The following DYRK1A variants were observed in gnomAD, a reference collection of about 807,000 sequenced individuals.
DYRK1A encodes dual specificity tyrosine phosphorylation regulated kinase 1A, also known as dual specificity tyrosine-phosphorylation-regulated kinase 1A.
In DYRK1A, 9 loss-of-function variants were observed where a neutral mutation model predicts 79.7. The observed-to-expected ratio is 0.11, with a 90% CI of 0.07 to 0.20. The LOEUF (loss-of-function observed/expected upper bound fraction) is 0.20. Among genes scored for constraint, DYRK1A ranks in the 10% least tolerant of loss-of-function variants. The pLI is 1.00. For missense variants in DYRK1A, 622 were observed against 956.0 expected (o/e 0.65, Z 4.61); for synonymous variants, 349 against 329.7 (o/e 1.06, Z -0.63).
At chr21:37,425,704 C>G (rs893568869) in intron 2 of DYRK1A, 9 of 152,178 alleles carry the variant, frequency 5.9e-5, no homozygotes, top group Non-Finnish European at 1.0e-4. Flanking sequence ...GACAGAGTAA[C>G]TAGCTCAGCA....
intron 2 of DYRK1A, among the ~76,000 whole-genome samples, chr21:37,451,656 G>A (rs937636123): frequency 2.0e-5 from 3 of 151,624 alleles, no homozygotes; most frequent in Non-Finnish European, 4.4e-5. Flanking sequence ...AGGCTCCACC[G>A]TCTAGCGTGG....
At chr21:37,497,770 T>C (rs1328478558) in intron 9 of DYRK1A, among the ~76,000 whole-genome samples, 2 of 152,178 alleles carry the variant, frequency 1.3e-5, no homozygotes, top group Non-Finnish European at 2.9e-5. Context: ...TTTTTAGTTA[T>C]TTGGGGTGGG....
chr21:37,498,446 G>C (rs1180740857), intron 9 of DYRK1A, among the ~76,000 whole-genome samples: 4 of 152,096 alleles, frequency 2.6e-5, no homozygotes, highest in Admixed American at 2.0e-4. Context: ...GAGCCTTATA[G>C]TATTTATTGT....
intron 4 of DYRK1A, among the ~76,000 whole-genome samples, chr21:37,479,245 A>G (rs942520231): frequency 3.3e-5 from 5 of 152,250 alleles, no homozygotes; most frequent in Non-Finnish European, 7.3e-5. Flanking sequence ...TGTGAGGAAC[A>G]TTTCTGAGTT....
At chr21:37,429,720 C>T (rs146804988) in intron 2 of DYRK1A, among the ~76,000 whole-genome samples, 27 of 152,272 alleles carry the variant, frequency 1.8e-4, no homozygotes, top group African/African-American at 6.0e-4. Flanking sequence ...CATGCTTAGC[C>T]GATATTGTTA....
chr21:37,374,849 A>T (rs191724852), intron 1 of DYRK1A, among the ~76,000 whole-genome samples: 153 of 152,278 alleles, frequency 1.0e-3, no homozygotes, highest in Non-Finnish European at 1.2e-3. Context: ...CACTGGGCCT[A>T]GCTGGAATCT....
intron 2 of DYRK1A, among the ~76,000 whole-genome samples, chr21:37,459,462 C>G (rs2051764900): frequency 6.6e-6 from 1 of 152,090 alleles, no homozygotes; most frequent in Admixed American, 6.5e-5. Flanking sequence ...AACCTGGATG[C>G]CCGATGGAGT....
intron 1 of DYRK1A, chr21:37,419,425 C>T (rs1180106889): frequency 6.6e-6 from 1 of 152,172 alleles, no homozygotes; most frequent in Non-Finnish European, 1.5e-5. Context: ...TTTGGTATTT[C>T]TTCTGCAGCG....
chr21:37,487,604 C>T (rs979742210), intron 6 of DYRK1A: 1 of 152,074 alleles, frequency 6.6e-6, no homozygotes, highest in African/African-American at 2.4e-5. Flanking sequence ...ATTTGATACA[C>T]GTAAGGCTGA....
At chr21:37,467,459 G>A (rs2052069558) in intron 2 of DYRK1A, among the ~76,000 whole-genome samples, 1 of 152,166 alleles carries the variant, frequency 6.6e-6, no homozygotes, top group African/African-American at 2.4e-5. Context: ...TCAAACTCCT[G>A]GGCTCAAGTG....
chr21:37,409,928 T>G (rs2050213244), intron 1 of DYRK1A, among the ~76,000 whole-genome samples: 1 of 152,192 alleles, frequency 6.6e-6, no homozygotes, highest in Admixed American at 6.5e-5. Context: ...CATTTATTAT[T>G]TATAACATTT....
intron 2 of DYRK1A, among the ~76,000 whole-genome samples, chr21:37,447,903 T>C (rs2051323820): frequency 6.6e-6 from 1 of 151,878 alleles, no homozygotes; most frequent in Admixed American, 6.6e-5. Flanking sequence ...TTGTGGCGAT[T>C]AAAAAAATTG....
At chr21:37,495,227 G>C (rs1302159552) in intron 8 of DYRK1A, among the ~76,000 whole-genome samples, 1 of 150,390 alleles carries the variant, frequency 6.6e-6, no homozygotes, top group Non-Finnish European at 1.5e-5. Flanking sequence ...TCTGAAAACT[G>C]GGTTGGGTGC....
intron 2 of DYRK1A, among the ~76,000 whole-genome samples, chr21:37,465,018 T>G (rs2148536730): frequency 6.6e-6 from 1 of 152,308 alleles, no homozygotes; most frequent in South Asian, 2.1e-4. Context: ...GAAATTAAAC[T>G]TAGGTTTATT....
At chr21:37,429,239 T>C (rs978620963) in intron 2 of DYRK1A, among the ~76,000 whole-genome samples, 2 of 151,938 alleles carry the variant, frequency 1.3e-5, no homozygotes, top group Non-Finnish European at 2.9e-5. Context: ...TAAAAACCAT[T>C]GTTGAGTGCT....
At chr21:37,470,898 GT>G (rs2052200064) in intron 2 of DYRK1A, among the ~76,000 whole-genome samples, 1 of 152,190 alleles carries the variant, frequency 6.6e-6, no homozygotes, top group Non-Finnish European at 1.5e-5. Context: ...ATGATGAAAT[GT>G]TTAGAAAAGT....
chr21:37,455,713 ATT>A (rs2051615106), intron 2 of DYRK1A, among the ~76,000 whole-genome samples: 1 of 152,030 alleles, frequency 6.6e-6, no homozygotes, highest in Admixed American at 6.5e-5. Context: ...ATAGATCTCT[ATT>A]TGTGGTTCCT....
At position 37,448,758 on chromosome 21, in the gene DYRK1A, A is replaced by G. The variant is rs539479788; in HGVS notation, c.11-23926A>G. ...GGCTGTCAGGCTGGAGTGCAGTGGC[A>G]CAATTACGGAGCACTGCAGCCTCAA... On this transcript the variant is annotated intron_variant, in intron 2 of 11. Transcript: ENST00000647188. Among the ~76,000 whole-genome samples, 25 of 152,146 alleles carry G rather than the reference A, an allele frequency of 1.6e-4. 1 individual carries two copies. Among genetic ancestry groups the G allele is most frequent in the South Asian group, 1.2e-3 (6 of 4,826 alleles).
chr21:37,520,290 A>G lies in DYRK1A; in HGVS notation c.*7759A>G, dbSNP rs1213926207. ...CCTTCAGAGGTTTGATGTAGATAGG[A>G]AGAGATGAGGGTGACAGAAATCAGC... On this transcript the variant is annotated 3_prime_UTR_variant, in exon 12 of 12. Transcript: ENST00000647188. 6.6e-6 allele frequency: 1 copy of G among 150,570 alleles called. No individual in the cohort carries two copies. Among genetic ancestry groups the G allele is most frequent in the East Asian group, 1.9e-4 (1 of 5,162 alleles). 9.3% of individuals were successfully genotyped at this position (150,570 alleles called of 1,614,324 possible).
Sources: gnomAD v4.1 joint callset for allele counts (sites outside exome capture counted in the v4.1 genomes callset) on GRCh38, gnomAD v4.1.1 for gene constraint, MANE v1.5 for transcripts, NCBI Gene and HGNC (gene_info 2026-07-23, HGNC 2026-07-21) for gene names.